AAAS: variants seen among roughly 807,000 people sequenced by gnomAD.
The protein encoded by AAAS is aladin.
A neutral mutation model predicts 75.6 loss-of-function variants in AAAS; 60 were observed. The ratio of observed to expected loss-of-function variants is 0.79; its 90% CI spans 0.64 to 0.98. The LOEUF is 0.98. Among genes scored for constraint, AAAS ranks in the 50% least tolerant of loss-of-function variants. The pLI, the probability that AAAS is intolerant of heterozygous loss-of-function variation, is 0.00. For synonymous variants in AAAS, 271 were observed against 265.0 expected (o/e 1.02, Z -0.22); for missense variants, 658 against 686.9 (o/e 0.96, Z 0.47).
intron 2 of AAAS, among the ~76,000 whole-genome samples, chr12:53,320,311 G>A (rs1460872153): frequency 6.6e-6 from 1 of 152,158 alleles, no homozygotes; most frequent in African/African-American, 2.4e-5. Flanking sequence ...AGAAAGCAAG[G>A]CAAGTTACTA....
chr12:53,314,944 A>T, intron 5 of AAAS, 95 bp from the exon 6 acceptor site: 1 of 1,494,186 alleles, frequency 6.7e-7, no homozygotes, highest in South Asian at 1.2e-5. Context: ...GTTTTTTCCT[A>T]CTTTTTCTTG....
chr12:53,315,138 G>T lies in AAAS; in HGVS notation c.402C>A (p.Leu134=). ...ATTCAGCGATCAGATCTTCGCTCCT[G>T]AGCTGTAAGAACAAGATAGACACAG... ...LHGSLFPHLS[L]RSEDLIAEFA... Residue 134 remains leucine, a splice_region_variant and synonymous_variant, in exon 5 of 16, where the codon CTC becomes CTA. Transcript: ENST00000209873. 6.2e-7 allele frequency: 1 copy of T among 1,614,148 alleles called. No homozygotes were observed. Among genetic ancestry groups the T allele is most frequent in the Non-Finnish European group, 8.5e-7 (1 of 1,180,026 alleles).
At chr12:53,321,280 T>A in intron 1 of AAAS, 63 bp downstream of exon 1, 2 of 1,590,614 alleles carry the variant, frequency 1.3e-6, no homozygotes, top group Non-Finnish European at 1.7e-6. Context: ...CTGCCTCCTT[T>A]CCCCAGTAGT....
rs1349069050 is a variant in AAAS, at chr12:53,314,321, C to T, written c.666G>A (p.Leu222=). 1 of 1,614,034 alleles carries T rather than the reference C, an allele frequency of 6.2e-7. No homozygotes were observed. The highest frequency in any genetic ancestry group is 1.3e-5 in the African/African-American group (1 of 74,918). The stretch of plus-strand genomic sequence containing the variant: ...ACCGGGTAGACAAGGAGGTAGGGTC[C>T]AGGGTCCAGATAAGAATGCAGCTCT... ...ACQSCILIWT[L]DPTSLSTRPS... The change falls in exon 7 of 16, where the codon CTG becomes CTA. Residue 222 remains leucine, a synonymous_variant. Coordinates refer to ENST00000209873, the MANE Select transcript of AAAS (RefSeq NM_015665.6).
Position 53,308,816 on chromosome 12 carries a change from CTG to C in AAAS, c.997-3_997-2del. On this transcript the variant is annotated splice_acceptor_variant and splice_polypyrimidine_tract_variant and intron_variant, in intron 10 of 15. Transcript: ENST00000209873. LOFTEE classifies it high-confidence loss of function. Reference sequence around the variant, plus strand: ...TGCCATCTGGGCTCCAGCAGCCAGTCTGGGGTCAGGGAGCAAAAGGCAGGAGA... The same window carrying C: ...TGCCATCTGGGCTCCAGCAGCCAGTCGGGTCAGGGAGCAAAAGGCAGGAGA... 1 of 1,614,004 alleles carries C rather than the reference CTG, an allele frequency of 6.2e-7. No homozygotes were observed. Among genetic ancestry groups the C allele is most frequent in the Non-Finnish European group, 8.5e-7 (1 of 1,180,032 alleles).
chr12:53,309,044 C>T (rs1944343820), intron 9 of AAAS, 24 bp from the exon 10 acceptor site: 2 of 1,614,126 alleles, frequency 1.2e-6, no homozygotes, highest in African/African-American at 1.3e-5. Context: ...AAGCAAATTA[C>T]AGCTCAGGAC....
Position 53,309,708 on chromosome 12 carries a change from A to C in AAAS, c.703T>G (p.Cys235Gly), listed in dbSNP as rs1249258386. 2 of 1,613,220 alleles carry C rather than the reference A, an allele frequency of 1.2e-6. No individual in the cohort carries two copies. The highest frequency in any genetic ancestry group is 2.7e-5 in the African/African-American group (2 of 74,938). Reference protein sequence around the residue: ...TSLSTRPSSGCAQVLSHPGHT... With the variant: ...TSLSTRPSSGGAQVLSHPGHT... ...CCAGGGTGAGACAGCACTTGGGCACAGCCAGAAGAGGGTCTGGAGGGGAAC... is the reference window on the plus strand; with the variant it reads ...CCAGGGTGAGACAGCACTTGGGCACCGCCAGAAGAGGGTCTGGAGGGGAAC... Residue 235 changes from cysteine (C) to glycine (G), a missense_variant, in exon 8 of 16, where the codon TGT (cysteine) becomes GGT (glycine). By Grantham distance (159) the Cys-to-Gly change is radical. Coordinates refer to ENST00000209873, the MANE Select transcript of AAAS (RefSeq NM_015665.6).
chr12:53,310,895 G>A (rs1206734313), intron 7 of AAAS, among the ~76,000 whole-genome samples: 2 of 152,174 alleles, frequency 1.3e-5, no homozygotes, highest in African/African-American at 4.8e-5. Context: ...AATTTATTGA[G>A]TCATGCCTCT....
Position 53,315,756 on chromosome 12 carries a change from A to G in AAAS, c.278T>C (p.Leu93Pro). Residue 93 changes from leucine (L) to proline (P), a missense_variant, in exon 3 of 16, where the codon CTA (leucine) becomes CCA (proline). Transcript: ENST00000209873. The part of the protein sequence containing the change: ...IWRDVGLFGV[L>P]NEIANSEEEV... Reference sequence around the variant, plus strand: ...TTCTTCTGAGTTTGCAATTTCATTTAGCACCCCAAAAAGGCCCACATCACG... The same window carrying G: ...TTCTTCTGAGTTTGCAATTTCATTTGGCACCCCAAAAAGGCCCACATCACG... 2 of 1,613,986 alleles carry G rather than the reference A, an allele frequency of 1.2e-6. No individual in the cohort carries two copies. Among genetic ancestry groups the G allele is most frequent in the Non-Finnish European group, 1.7e-6 (2 of 1,179,970 alleles).
At position 53,308,767 on chromosome 12, in the gene AAAS, C is replaced by T; in HGVS notation, c.1045G>A (p.Gly349Arg). The change falls in exon 11 of 16, where the codon GGA becomes AGA. Residue 349 changes from glycine to arginine, a missense_variant. By Grantham distance (125) the Gly-to-Arg change is moderately radical (BLOSUM62 -2). Transcript: ENST00000209873. ...GACAGGGAGTAAATCAGTGGCTCTCCCAATACAGTGAACAGCAGTCGGCTG... is the reference window on the plus strand; with the variant it reads ...GACAGGGAGTAAATCAGTGGCTCTCTCAATACAGTGAACAGCAGTCGGCTG... Reference protein sequence around the residue: ...DGSRLLFTVLGEPLIYSLSFP... With the variant: ...DGSRLLFTVLREPLIYSLSFP... The T allele has an allele frequency of 6.2e-7, 1 of 1,614,120 alleles. No individual in the cohort carries two copies.
rs371901955 is a variant in AAAS at position 53,308,777 on chromosome 12, G to A, written c.1035C>T (p.Phe345=). 1.9e-5 allele frequency: 30 copies of A among 1,613,994 alleles called. No homozygotes were observed. In the Middle Eastern group the frequency reaches 6.6e-4, roughly 35 times the overall value. ...CWSPDGSRLL[F]TVLGEPLIYS... is the part of the protein sequence containing the mutation. ...AAATCAGTGGCTCTCCCAATACAGT[G>A]AACAGCAGTCGGCTGCCATCTGGGC... The change falls in exon 11 of 16, where the codon TTC becomes TTT. Residue 345 remains phenylalanine (F), a synonymous_variant. Transcript: ENST00000209873.
In AAAS at chr12:53,308,816, C is replaced by A; in HGVS notation, c.997-1G>T. 2 of 1,614,004 alleles carry A rather than the reference C, an allele frequency of 1.2e-6. No individual in the cohort carries two copies. The highest frequency in any genetic ancestry group is 1.7e-6 in the Non-Finnish European group (2 of 1,180,032). ...TGCCATCTGGGCTCCAGCAGCCAGT[C>A]TGGGGTCAGGGAGCAAAAGGCAGGA... On this transcript the variant is annotated splice_acceptor_variant, in intron 10 of 15. Coordinates refer to ENST00000209873, the MANE Select transcript of AAAS (RefSeq NM_015665.6). LOFTEE classifies it high-confidence loss of function.
chr12:53,309,497 A>C, intron 8 of AAAS, 104 bp downstream of exon 8: 1 of 1,592,942 alleles, frequency 6.3e-7, no homozygotes. Context: ...TTTAAGACTG[A>C]ATGGACCAAG....
At chr12:53,309,772 C>T (rs766267342) in intron 7 of AAAS, 51 bp from the exon 8 acceptor site, 2 of 1,600,964 alleles carry the variant, frequency 1.2e-6, no homozygotes, top group South Asian at 1.1e-5. Context: ...AGAAGCCATC[C>T]CCAAAATTCT....
intron 2 of AAAS, among the ~76,000 whole-genome samples, chr12:53,318,253 T>TGTGTGTGC (rs1555191475): frequency 1.2e-5 from 1 of 85,396 alleles, no homozygotes; most frequent in African/African-American, 3.5e-5. Flanking sequence ...TGCGTGTGTG[T>TGTGTGTGC]GTGTGTGTGT....
Position 53,309,244 on chromosome 12 carries a change from G to C in AAAS, c.848C>G (p.Pro283Arg). ...GGTCACCCCACCTCCTCGGAACCAG[G>C]GAAGGGGGACACAGGTCTCTGTTGA... ...DVSTETCVPL[P>R]WFRGGGVTNL... The change falls in exon 9 of 16, where the codon CCC becomes CGC. Residue 283 changes from proline to arginine, a missense_variant. By Grantham distance (103) the Pro-to-Arg change is moderately radical. Coordinates refer to ENST00000209873, the MANE Select transcript of AAAS (RefSeq NM_015665.6). The C allele has an allele frequency of 6.2e-7, 1 of 1,614,104 alleles. No homozygotes were observed.
chr12:53,316,474 A>C (rs1944463013), intron 2 of AAAS, among the ~76,000 whole-genome samples: 1 of 148,794 alleles, frequency 6.7e-6, no homozygotes, highest in African/African-American at 2.5e-5. Context: ...GAAAAAAAAA[A>C]AAGAATAGAA....
chr12:53,308,344 C>G lies in AAAS; in HGVS notation c.1187G>C (p.Gly396Ala), dbSNP rs373268179. ...IQTPDGEERLGGEAHSMVWDP... is the reference protein window; with the variant it reads ...IQTPDGEERLAGEAHSMVWDP... ...CCAGACCATGGAGTGAGCCTCTCCC[C>G]CAAGCCTGTGGGTAAGGACAGGTTA... The change falls in exon 13 of 16, where the codon GGG becomes GCG. Residue 396 changes from glycine to alanine, a missense_variant. By Grantham distance (60) the Gly-to-Ala change is moderately conservative (BLOSUM62 0). Coordinates refer to ENST00000209873, the MANE Select transcript of AAAS (RefSeq NM_015665.6). 4 of 1,614,064 alleles carry G rather than the reference C, an allele frequency of 2.5e-6. No homozygotes were observed. The highest frequency in any genetic ancestry group is 2.2e-5 in the South Asian group (2 of 91,084).
chr12:53,311,194 T>A (rs1339914753), intron 7 of AAAS, among the ~76,000 whole-genome samples: 1 of 152,226 alleles, frequency 6.6e-6, no homozygotes, highest in Non-Finnish European at 1.5e-5. Flanking sequence ...TCCATCTGCC[T>A]CAGCCTCCGA....
Sources: gnomAD v4.1 joint callset for allele counts (sites outside exome capture counted in the v4.1 genomes callset) on GRCh38, gnomAD v4.1.1 for gene constraint, MANE v1.5 for transcripts, NCBI Gene and HGNC (gene_info 2026-07-23, HGNC 2026-07-21) for gene names.